Variants in MYO10 observed in about 807,000 individuals in gnomAD.
MYO10 encodes the protein unconventional myosin-X.
MYO10 carries 133 observed loss-of-function variants against 257.3 expected under a neutral mutation model. The ratio of observed to expected loss-of-function variants is 0.52; its 90% CI spans 0.45 to 0.60. The LOEUF (loss-of-function observed/expected upper bound fraction) is 0.60. MYO10 is among the 20% of genes least tolerant of loss of function. The pLI is 0.00. For synonymous variants in MYO10, 1,104 were observed against 1,028.6 expected, an observed-to-expected ratio of 1.07 and a Z score of -1.40; for missense variants, 2,399 against 2,635.7, an observed-to-expected ratio of 0.91 and a Z score of 1.97.
In MYO10 at chr5:16,889,735, C is replaced by T. The variant is rs543679369; in HGVS notation, c.22-12028G>A. Among the ~76,000 whole-genome samples, 66 of 151,696 alleles carry T rather than the reference C, an allele frequency of 4.4e-4. 1 individual carries two copies. The East Asian group carries it at 0.012, about 28-fold the overall frequency. ...AAACAGCTGGTTTAAGAACTGCATT[C>T]CACTCCTCTTGGTGGAAGCAGTAGG... On this transcript the variant is annotated intron_variant, in intron 1 of 40. Coordinates refer to ENST00000513610, the MANE Select transcript of MYO10 (RefSeq NM_012334.3).
At chr5:16,683,347 GC>G (rs1737094869) in intron 30 of MYO10, among the ~76,000 whole-genome samples, 1 of 152,100 alleles carries the variant, frequency 6.6e-6, no homozygotes, top group Admixed American at 6.5e-5. Context: ...AGTTCACTGG[GC>G]ACAAAGACGC....
rs555976965 is a variant in MYO10, at chr5:16,672,717, C to G, written c.5281G>C (p.Val1761Leu). 17 of 1,613,916 alleles carry G rather than the reference C, an allele frequency of 1.1e-5. No homozygotes were observed. In the African/African-American group the frequency reaches 1.9e-4, roughly 18 times the overall value. The change falls in exon 37 of 41, where the codon GTA becomes CTA. Residue 1761 changes from valine to leucine, a missense_variant. By Grantham distance (32) the Val-to-Leu change is conservative (BLOSUM62 1). Around this residue, in one of 3 missense-constraint regions of MYO10, gnomAD observed 1,820 missense variants for 1,939.4 expected, o/e 0.94. Coordinates refer to ENST00000513610, the MANE Select transcript of MYO10 (RefSeq NM_012334.3). ...TCAAACTTGGCTAAGACATCAGCTACGACGGTTCGACTTTCAATGGCTTTG... is the reference window on the plus strand; with the variant it reads ...TCAAACTTGGCTAAGACATCAGCTAGGACGGTTCGACTTTCAATGGCTTTG... Reference protein sequence around the residue: ...VDKAIESRTVVADVLAKFEKL... With the variant: ...VDKAIESRTVLADVLAKFEKL...
chr5:16,693,216 C>T (rs1443426982), intron 27 of MYO10, among the ~76,000 whole-genome samples: 2 of 152,054 alleles, frequency 1.3e-5, no homozygotes, highest in Non-Finnish European at 2.9e-5. Flanking sequence ...TGCAGTGAGC[C>T]GAGATCGTGT....
rs979568084 is a variant in MYO10, at chr5:16,690,003, C to G, written c.3801-84G>C. On this transcript the variant is annotated intron_variant, in intron 27 of 40. Coordinates refer to ENST00000513610, the MANE Select transcript of MYO10 (RefSeq NM_012334.3). ...GGAAAGCAACTAATGAAGCCAATGACTAGAGTTGGGAACTGTCTGTTACTG... is the reference window on the plus strand; with the variant it reads ...GGAAAGCAACTAATGAAGCCAATGAGTAGAGTTGGGAACTGTCTGTTACTG... 9 of 1,002,866 alleles carry G rather than the reference C, an allele frequency of 9.0e-6. No individual in the cohort carries two copies. In the African/African-American group the frequency reaches 1.4e-4, roughly 16 times the overall value. The allele number at this position is 1,002,866 out of a possible 1,614,324, so 62.1% of individuals were successfully genotyped here.
chr5:16,688,421 G>A (rs750138331), intron 28 of MYO10, among the ~76,000 whole-genome samples: 20 of 152,102 alleles, frequency 1.3e-4, no homozygotes, highest in Non-Finnish European at 2.8e-4. Flanking sequence ...TGAAGAATTC[G>A]GCTATTGGAT....
chr5:16,676,539 A>T (rs1736731096), intron 33 of MYO10, among the ~76,000 whole-genome samples: 1 of 152,032 alleles, frequency 6.6e-6, no homozygotes, highest in Admixed American at 6.6e-5. Flanking sequence ...ACATGGTGAA[A>T]CCCTGTCTCC....
chr5:16,787,964 T>C (rs1439513507), intron 4 of MYO10, among the ~76,000 whole-genome samples: 1 of 152,132 alleles, frequency 6.6e-6, no homozygotes, highest in African/African-American at 2.4e-5. Context: ...AGCTAATTTT[T>C]GTAATTTTTA....
rs144379510 is a variant in MYO10 at position 16,737,610 on chromosome 5, C to T, written c.1929+17218G>A. ...AACAAGTTAACTTACATGTAGATGC[C>T]GTTTTTATTGACAGCAAATAAAAAA... On this transcript the variant is annotated intron_variant, in intron 19 of 40. Transcript: ENST00000513610. 1.6e-3 allele frequency among the ~76,000 whole-genome samples: 243 copies of T among 152,234 alleles called. 2 individuals are homozygous for T. The highest frequency in any genetic ancestry group is 5.3e-3 in the African/African-American group (222 of 41,550).
intron 2 of MYO10, among the ~76,000 whole-genome samples, chr5:16,830,936 T>C (rs1185698933): frequency 6.6e-6 from 1 of 152,068 alleles, no homozygotes; most frequent in Non-Finnish European, 1.5e-5. Flanking sequence ...GTAATGAGGA[T>C]GGCTGTGAAG....
intron 3 of MYO10, among the ~76,000 whole-genome samples, chr5:16,812,243 T>C (rs1742463446): frequency 7.1e-6 from 1 of 140,472 alleles, no homozygotes; most frequent in African/African-American, 2.9e-5. Flanking sequence ...AGGAAGAGCC[T>C]GGGGTTCCAG....
intron 2 of MYO10, among the ~76,000 whole-genome samples, chr5:16,827,775 A>C (rs977649363): frequency 6.6e-6 from 1 of 152,182 alleles, no homozygotes; most frequent in African/African-American, 2.4e-5. Flanking sequence ...AAGAGGGCCA[A>C]GCAGAGGGAA....
chr5:16,910,861 A>G (rs1260977661), intron 1 of MYO10, among the ~76,000 whole-genome samples: 1 of 152,172 alleles, frequency 6.6e-6, no homozygotes, highest in Non-Finnish European at 1.5e-5. Flanking sequence ...GAGGTAGTCT[A>G]TGGGGAAAGG....
chr5:16,757,334 A>ACAC (rs1404140616), intron 18 of MYO10, among the ~76,000 whole-genome samples: 1 of 148,340 alleles, frequency 6.7e-6, no homozygotes, highest in Admixed American at 6.8e-5. Context: ...ACACACACAC[A>ACAC]CACACACACG....
intron 1 of MYO10, among the ~76,000 whole-genome samples, chr5:16,932,143 T>G (rs1356878791): frequency 1.3e-5 from 2 of 152,232 alleles, no homozygotes; most frequent in Non-Finnish European, 2.9e-5. Flanking sequence ...ACTAACAATT[T>G]ATCCCTTAAA....
intron 30 of MYO10, among the ~76,000 whole-genome samples, chr5:16,683,350 C>T (rs772332989): frequency 1.3e-5 from 2 of 152,074 alleles, no homozygotes; most frequent in Non-Finnish European, 2.9e-5. Flanking sequence ...TCACTGGGCA[C>T]AAAGACGCGT....
chr5:16,741,939 G>A (rs938228806), intron 19 of MYO10: 2 of 985,360 alleles, frequency 2.0e-6, no homozygotes, highest in African/African-American at 3.5e-5. Flanking sequence ...AGCCTTTTAT[G>A]TGGTGCGTCT....
At chr5:16,679,170 T>C (rs1187598854) in intron 33 of MYO10, among the ~76,000 whole-genome samples, 2 of 152,240 alleles carry the variant, frequency 1.3e-5, no homozygotes, top group East Asian at 3.9e-4. Context: ...AGTGTTCTTC[T>C]AGACCACCCT....
chr5:16,841,527 C>T (rs548442379), intron 2 of MYO10, among the ~76,000 whole-genome samples: 2 of 152,098 alleles, frequency 1.3e-5, no homozygotes, highest in Middle Eastern at 3.2e-3. Flanking sequence ...TTATTATGCA[C>T]GAGCAAGCAT....
chr5:16,758,204 A>G lies in MYO10; in HGVS notation c.1762T>C (p.Phe588Leu), dbSNP rs751394134. ...ESRFDFIYDL[F>L]EHVSSRNNQD... ...TTGTTGCGGCTTGAAACATGTTCAA[A>G]AAGATCGTAGATAAAGTCAAATCTG... is the stretch of plus-strand genomic sequence containing the variant. The change falls in exon 18 of 41, where the codon TTT becomes CTT. Residue 588 changes from phenylalanine (F) to leucine (L), a missense_variant. Phe to Leu is a conservative substitution (Grantham distance 22). Coordinates refer to ENST00000513610, the MANE Select transcript of MYO10 (RefSeq NM_012334.3). 1 of 1,612,974 alleles carries G rather than the reference A, an allele frequency of 6.2e-7. No homozygotes were observed. The highest frequency in any genetic ancestry group is 1.7e-5 in the Admixed American group (1 of 60,008).
Sources: gnomAD v4.1 joint callset for allele counts (sites outside exome capture counted in the v4.1 genomes callset) on GRCh38, gnomAD v4.1.1 for gene constraint, gnomAD v4.1.1 regional missense constraint, MANE v1.5 for transcripts, NCBI Gene and HGNC (gene_info 2026-07-23, HGNC 2026-07-21) for gene names.